NUMA1: variants seen among roughly 807,000 people sequenced by gnomAD.
NUMA1 encodes the protein SP-H antigen.
NUMA1 carries 62 observed loss-of-function variants against 237.1 expected under a neutral mutation model. The ratio of observed to expected loss-of-function variants is 0.26; its 90% CI spans 0.21 to 0.32. The LOEUF (loss-of-function observed/expected upper bound fraction) is 0.32. Ranked by LOEUF, NUMA1 falls within the 10% of genes least tolerant of loss-of-function variation. The probability of loss-of-function intolerance (pLI) is 1.00; values close to 1 mark genes in which losing one functional copy is unlikely to be tolerated. For synonymous variants in NUMA1, 1,028 were observed against 1,066.1 expected, an observed-to-expected ratio of 0.96 and a Z score of 0.70; for missense variants, 2,533 against 2,666.5, an observed-to-expected ratio of 0.95 and a Z score of 1.10.
chr11:72,031,740 G>A (rs1391052999), intron 3 of NUMA1, among the ~76,000 whole-genome samples: 4 of 152,060 alleles, frequency 2.6e-5, no homozygotes, highest in African/African-American at 7.2e-5. Flanking sequence ...CTTGAGCCTG[G>A]GAGGTCAAGG....
At chr11:72,018,576 G>A in intron 10 of NUMA1, 63 bp from the exon 11 acceptor site, 1 of 1,417,572 alleles carries the variant, frequency 7.1e-7, no homozygotes, top group Non-Finnish European at 9.9e-7. Flanking sequence ...GGAACTATGT[G>A]CACAGAACTA....
intron 2 of NUMA1, among the ~76,000 whole-genome samples, chr11:72,044,629 G>GGAA (rs1941889169): frequency 6.6e-6 from 1 of 151,520 alleles, no homozygotes; most frequent in Non-Finnish European, 1.5e-5. Flanking sequence ...TAGATTGTAG[G>GGAA]GAACATTCAC....
chr11:72,015,274 G>A lies in NUMA1; in HGVS notation c.2229C>T (p.Thr743=). The part of the protein sequence containing the change: ...QRCISELKAE[T]RSLVEQHKRE... ...GCTTATGCTGCTCCACCAGGCTTCG[G>A]GTCTCTGCCTTCAGCTCAGAGATAC... Residue 743 remains threonine (T), a synonymous_variant, in exon 15 of 27, where the codon ACC becomes ACT. Coordinates refer to ENST00000393695, the MANE Select transcript of NUMA1 (RefSeq NM_006185.4). This position sits in a 1 kb window ranked among gnomAD's most constrained non-coding sequence, Gnocchi z 4.0. The A allele has an allele frequency of 6.2e-7, 1 of 1,613,600 alleles. No individual in the cohort carries two copies.
chr11:72,023,980 GA>G (rs555251993), intron 5 of NUMA1: 248 of 336,026 alleles, frequency 7.4e-4, no homozygotes, highest in African/African-American at 4.9e-3. Context: ...CGGGGAAACA[GA>G]AACTTAAGGT....
intron 16 of NUMA1, among the ~76,000 whole-genome samples, chr11:72,011,136 A>G (rs1590884776): frequency 6.6e-6 from 1 of 152,266 alleles, no homozygotes; most frequent in South Asian, 2.1e-4. Context: ...CGTCACCTCC[A>G]AAATCAGGAG....
At chr11:72,031,734 A>C (rs1940345849) in intron 3 of NUMA1, among the ~76,000 whole-genome samples, 1 of 152,074 alleles carries the variant, frequency 6.6e-6, no homozygotes, top group Non-Finnish European at 1.5e-5. Context: ...AGATCGCTTG[A>C]GCCTGGGAGG....
chr11:72,013,647 G>C lies in NUMA1; in HGVS notation c.3856C>G (p.Arg1286Gly). The change falls in exon 15 of 27, where the codon CGC (arginine) becomes GGC (glycine). Residue 1286 changes from arginine to glycine, a missense_variant. Arg to Gly is a moderately radical substitution (Grantham distance 125). Around this residue, in one of 3 missense-constraint regions of NUMA1, gnomAD observed 324 missense variants for 407.6 expected, o/e 0.79. Coordinates refer to ENST00000393695, the MANE Select transcript of NUMA1 (RefSeq NM_006185.4). This position sits in a 1 kb window ranked among gnomAD's most constrained non-coding sequence, Gnocchi z 6.8. ...TASNSARAAERSSALREEVQS... is the reference protein window; with the variant it reads ...TASNSARAAEGSSALREEVQS... ...ACCTCCTCCCGCAGAGCAGAGCTGC[G>C]TTCTGCAGCTCTGGCACTGTTGCTG... 6.2e-7 allele frequency: 1 copy of C among 1,609,668 alleles called. No individual in the cohort carries two copies. The highest frequency in any genetic ancestry group is 1.3e-5 in the African/African-American group (1 of 75,028).
At chr11:72,061,555 A>G (rs1490402403) in intron 2 of NUMA1, among the ~76,000 whole-genome samples, 8 of 141,996 alleles carry the variant, frequency 5.6e-5, no homozygotes, top group East Asian at 2.1e-4. Context: ...CAGCGGTACA[A>G]TCACAGTTTA....
chr11:72,004,162 C>A, intron 25 of NUMA1, 63 bp from the exon 26 acceptor site: 1 of 1,602,928 alleles, frequency 6.2e-7, no homozygotes, highest in South Asian at 1.1e-5. Context: ...GCGTGCTGTG[C>A]CACGCTCTAT....
In NUMA1 at chr11:72,017,753, G is replaced by A. The variant is rs554895253; in HGVS notation, c.1053C>T (p.Ala351=). Residue 351 remains alanine (A), a synonymous_variant, in exon 13 of 27, where the codon GCC becomes GCT. Coordinates refer to ENST00000393695, the MANE Select transcript of NUMA1 (RefSeq NM_006185.4). ...CCTGCTTCTCTAGCCACTCCTGAGT[G>A]GCCTTGCTGTGCTCCTCCGTCAGCT... is the stretch of plus-strand genomic sequence containing the variant. ...LNELTEEHSK[A]TQEWLEKQAQ... The A allele has an allele frequency of 3.7e-6, 6 of 1,613,396 alleles. 1 individual carries two copies. The African/African-American group carries it at 6.7e-5, about 18-fold the overall frequency.
chr11:72,078,912 T>C (rs920868426), intron 1 of NUMA1, among the ~76,000 whole-genome samples: 3 of 152,144 alleles, frequency 2.0e-5, no homozygotes, highest in African/African-American at 7.2e-5. Flanking sequence ...CCCTTACCAT[T>C]AAAGCTTTAA....
At chr11:72,057,363 A>C (rs1380585517) in intron 2 of NUMA1, among the ~76,000 whole-genome samples, 3 of 152,264 alleles carry the variant, frequency 2.0e-5, no homozygotes, top group African/African-American at 7.2e-5. Flanking sequence ...GAAGATTTAC[A>C]TATTAATTCC....
At chr11:72,053,208 ACTC>A (rs749226613) in intron 2 of NUMA1, among the ~76,000 whole-genome samples, 1 of 152,110 alleles carries the variant, frequency 6.6e-6, no homozygotes. Context: ...CTGGTCTCGA[ACTC>A]CTCAACTAAA....
At chr11:72,028,222 G>A (rs963803373) in intron 4 of NUMA1, among the ~76,000 whole-genome samples, 1 of 152,160 alleles carries the variant, frequency 6.6e-6, no homozygotes, top group Non-Finnish European at 1.5e-5. Context: ...CCTAAGCTAG[G>A]TAGGGAGGAC....
At chr11:72,055,587 G>C (rs1378345967) in intron 2 of NUMA1, among the ~76,000 whole-genome samples, 1 of 152,174 alleles carries the variant, frequency 6.6e-6, no homozygotes, top group Non-Finnish European at 1.5e-5. Flanking sequence ...TCTGTTTCTT[G>C]ATGTAGGTGC....
At position 72,029,192 on chromosome 11, in the gene NUMA1, G is replaced by C. The variant is rs78946971; in HGVS notation, c.128+13C>G. On this transcript the variant is annotated intron_variant, in intron 4 of 26. Coordinates refer to ENST00000393695, the MANE Select transcript of NUMA1 (RefSeq NM_006185.4). ...TGCCTTAGAGGCTAGAAAGGGGTAT[G>C]GTGCGTACTCACATTCTGTCAATGA... is the stretch of plus-strand genomic sequence containing the variant. 6,880 of 1,599,954 alleles carry C rather than the reference G, an allele frequency of 4.3e-3. 250 individuals carry two copies. In the African/African-American group the frequency reaches 0.082, roughly 19 times the overall value.
chr11:72,030,568 T>TAGAG (rs1940174401), intron 3 of NUMA1, among the ~76,000 whole-genome samples: 2 of 152,222 alleles, frequency 1.3e-5, no homozygotes, highest in African/African-American at 4.8e-5. Context: ...GGTCAACCTC[T>TAGAG]ACAGGAAAAC....
At chr11:72,061,940 CACACA>C (rs1041846646) in intron 2 of NUMA1, among the ~76,000 whole-genome samples, 13 of 152,206 alleles carry the variant, frequency 8.5e-5, no homozygotes, top group African/African-American at 2.6e-4. Flanking sequence ...CACACCACAC[CACACA>C]ACACAACACA....
rs1430244448 is a variant in NUMA1 at position 72,015,341 on chromosome 11, T to C, written c.2162A>G (p.Glu721Gly). ...LKVTKGSLEE[E>G]KRRAADALEE... ...CAGGGCATCTGCAGCCCTGCGCTTC[T>C]CCTCTTCAAGGCTGCCCTTGGTGAC... The change falls in exon 15 of 27, where the codon GAG becomes GGG. Residue 721 changes from glutamate (E) to glycine (G), a missense_variant. This residue lies in a region of NUMA1 where 1,414 missense variants were observed against 1,508.1 expected (regional missense o/e 0.94). Coordinates refer to ENST00000393695, the MANE Select transcript of NUMA1 (RefSeq NM_006185.4). The surrounding 1 kb of genome is among the most constrained non-coding windows in gnomAD (Gnocchi z 4.0). 1 of 1,613,358 alleles carries C rather than the reference T, an allele frequency of 6.2e-7. No individual in the cohort carries two copies. The highest frequency in any genetic ancestry group is 1.7e-5 in the Admixed American group (1 of 60,026).
Sources: allele counts gnomAD v4.1 joint callset (sites outside exome capture counted in the v4.1 genomes callset), GRCh38; gene constraint gnomAD v4.1.1; regional missense constraint gnomAD v4.1.1; non-coding constraint Gnocchi (gnomAD v3.1); transcripts MANE v1.5; gene names NCBI Gene and HGNC (gene_info 2026-07-23, HGNC 2026-07-21).